Variants in HCN1 observed in about 807,000 individuals in gnomAD.
HCN1 encodes potassium/sodium hyperpolarization-activated cyclic nucleotide-gated channel 1.
Under a neutral mutation model 78.9 loss-of-function variants are expected in HCN1, and 13 were observed. The observed-to-expected ratio is 0.16, with a 90% CI of 0.11 to 0.26. The LOEUF (loss-of-function observed/expected upper bound fraction) is 0.26, where lower values mean the gene tolerates loss of function less well. HCN1 is among the 10% of genes least tolerant of loss of function. HCN1 has a pLI of 1.00. For synonymous variants in HCN1, 552 were observed against 455.5 expected (o/e 1.21, Z -2.70); for missense variants, 810 against 1,154.3 (o/e 0.70, Z 4.32).
chr5:45,375,890 T>C (rs1362959125), intron 4 of HCN1, among the ~76,000 whole-genome samples: 4 of 122,936 alleles, frequency 3.3e-5, no homozygotes, highest in Non-Finnish European at 6.3e-5. Context: ...TCTTATATAT[T>C]ATATATGATA....
rs910867329 is a variant in HCN1 at position 45,686,244 on chromosome 5, T to A, written c.425+9425A>T. Among the ~76,000 whole-genome samples the A allele has an allele frequency of 1.7e-4, 26 of 152,198 alleles. 1 individual carries two copies. In the Middle Eastern group the frequency reaches 0.01, roughly 60 times the overall value. ...AATAATATATGCCCAGTCTTTTTTT[T>A]TTTTAAGCAAAACAGCATCAAGGAT... On this transcript the variant is annotated intron_variant, in intron 1 of 7. Coordinates refer to ENST00000303230, the MANE Select transcript of HCN1 (RefSeq NM_021072.4).
At chr5:45,363,354 C>T (rs1747164125) in intron 4 of HCN1, among the ~76,000 whole-genome samples, 1 of 151,348 alleles carries the variant, frequency 6.6e-6, no homozygotes, top group East Asian at 2.0e-4. Context: ...GTTGCATGGT[C>T]TTCTGGGGGG....
chr5:45,582,509 T>G (rs901324294), intron 2 of HCN1, among the ~76,000 whole-genome samples: 15 of 152,156 alleles, frequency 9.9e-5, no homozygotes, highest in Admixed American at 5.9e-4. Context: ...GAATACCCTT[T>G]ATTTCCTTCT....
At chr5:45,474,052 T>A (rs886813130) in intron 2 of HCN1, among the ~76,000 whole-genome samples, 1 of 151,872 alleles carries the variant, frequency 6.6e-6, no homozygotes, top group African/African-American at 2.4e-5. Context: ...TTGAGTATCC[T>A]CAAAATGTTC....
At chr5:45,500,621 T>C (rs1372030230) in intron 2 of HCN1, among the ~76,000 whole-genome samples, 2 of 152,150 alleles carry the variant, frequency 1.3e-5, no homozygotes, top group Non-Finnish European at 2.9e-5. Context: ...CTGTTTAAAA[T>C]TGGAGTATAT....
chr5:45,289,086 T>G (rs994343876), intron 6 of HCN1, among the ~76,000 whole-genome samples: 1 of 152,042 alleles, frequency 6.6e-6, no homozygotes, highest in Non-Finnish European at 1.5e-5. Context: ...CAATATAACC[T>G]TAAGAACATT....
chr5:45,546,119 CA>C (rs1367814033), intron 2 of HCN1, among the ~76,000 whole-genome samples: 1 of 151,924 alleles, frequency 6.6e-6, no homozygotes, highest in Non-Finnish European at 1.5e-5. Flanking sequence ...ATTTTCTCCT[CA>C]AGATTTCCAG....
intron 3 of HCN1, among the ~76,000 whole-genome samples, chr5:45,460,599 T>C (rs1741125859): frequency 6.6e-6 from 1 of 152,050 alleles, no homozygotes; most frequent in Non-Finnish European, 1.5e-5. Context: ...AGGAGAGCTC[T>C]TTGTGATTTA....
At chr5:45,328,424 T>C (rs921724717) in intron 5 of HCN1, among the ~76,000 whole-genome samples, 1 of 151,592 alleles carries the variant, frequency 6.6e-6, no homozygotes. Flanking sequence ...GCATCACTAC[T>C]GATGTGCTTT....
intron 1 of HCN1, among the ~76,000 whole-genome samples, chr5:45,671,175 AT>A (rs1200082294): frequency 6.6e-6 from 1 of 151,404 alleles, no homozygotes; most frequent in African/African-American, 2.4e-5. Flanking sequence ...TTCTGTTATC[AT>A]CGATGTTCTG....
chr5:45,672,994 T>C (rs1453797298), intron 1 of HCN1, among the ~76,000 whole-genome samples: 2 of 151,586 alleles, frequency 1.3e-5, no homozygotes, highest in Non-Finnish European at 3.0e-5. Context: ...GTTTGTACTT[T>C]TGATCTAATG....
At chr5:45,611,070 T>G (rs76442685) in intron 2 of HCN1, among the ~76,000 whole-genome samples, 1 of 138,832 alleles carries the variant, frequency 7.2e-6, no homozygotes, top group Non-Finnish European at 1.6e-5. Context: ...TTTTTTTTTT[T>G]GACAGAGACT....
At chr5:45,278,050 C>G (rs143649054) in intron 6 of HCN1, among the ~76,000 whole-genome samples, 4 of 152,050 alleles carry the variant, frequency 2.6e-5, no homozygotes, top group Non-Finnish European at 4.4e-5. Flanking sequence ...TACAGTGCTT[C>G]TTTTCTTCCT....
intron 2 of HCN1, among the ~76,000 whole-genome samples, chr5:45,490,689 G>A (rs547677367): frequency 6.6e-6 from 1 of 152,188 alleles, no homozygotes; most frequent in African/African-American, 2.4e-5. Flanking sequence ...TTGCATGCCT[G>A]TATCAAAACA....
chr5:45,539,948 AT>A (rs1743062976), intron 2 of HCN1, among the ~76,000 whole-genome samples: 9 of 138,316 alleles, frequency 6.5e-5, no homozygotes, highest in South Asian at 2.2e-4. Flanking sequence ...ATATATATAT[AT>A]ATATATATAT....
intron 2 of HCN1, among the ~76,000 whole-genome samples, chr5:45,477,516 C>A (rs949566272): frequency 2.0e-5 from 3 of 151,984 alleles, no homozygotes; most frequent in Non-Finnish European, 2.9e-5. Flanking sequence ...TATTGGTGAG[C>A]AGGTCCGGAA....
intron 1 of HCN1, among the ~76,000 whole-genome samples, chr5:45,651,497 C>A (rs771899359): frequency 1.3e-5 from 2 of 151,840 alleles, no homozygotes. Flanking sequence ...CATAAATAAA[C>A]AAATAAATAA....
intron 4 of HCN1, among the ~76,000 whole-genome samples, chr5:45,374,192 C>CAT (rs1747538392): frequency 1.1e-5 from 1 of 89,128 alleles, no homozygotes; most frequent in Non-Finnish European, 2.3e-5. Flanking sequence ...ATATTATATA[C>CAT]ATTATATACA....
At chr5:45,339,429 G>A (rs1300329933) in intron 5 of HCN1, among the ~76,000 whole-genome samples, 1 of 152,074 alleles carries the variant, frequency 6.6e-6, no homozygotes, top group Non-Finnish European at 1.5e-5. Flanking sequence ...AGGCAAAAAG[G>A]CCATCAATAG....
Sources: gnomAD v4.1 joint callset for allele counts (sites outside exome capture counted in the v4.1 genomes callset) on GRCh38, gnomAD v4.1.1 for gene constraint, MANE v1.5 for transcripts, NCBI Gene and HGNC (gene_info 2026-07-23, HGNC 2026-07-21) for gene names.